Variants in KIAA1958 observed in about 807,000 individuals in gnomAD.
KIAA1958 encodes KIAA1958.
A neutral mutation model predicts 47.2 loss-of-function variants in KIAA1958; 14 were observed. That is an observed-to-expected ratio of 0.30 (90% CI 0.20 to 0.46). KIAA1958 has a LOEUF of 0.46. Among genes scored for constraint, KIAA1958 ranks in the 20% least tolerant of loss-of-function variants. The probability of loss-of-function intolerance (pLI) is 1.00; values close to 1 mark genes in which losing one functional copy is unlikely to be tolerated. For missense variants in KIAA1958, 803 were observed against 909.2 expected, an observed-to-expected ratio of 0.88 and a Z score of 1.50; for synonymous variants, 354 against 353.3, an observed-to-expected ratio of 1.00 and a Z score of -0.02.
At chr9:112,554,408 G>T (rs577274654) in intron 1 of KIAA1958, among the ~76,000 whole-genome samples, 1 of 152,196 alleles carries the variant, frequency 6.6e-6, no homozygotes, top group South Asian at 2.1e-4. Flanking sequence ...TGAGGCAGGA[G>T]AATCGCTTGA....
intron 1 of KIAA1958, among the ~76,000 whole-genome samples, chr9:112,560,048 A>C (rs1056490494): frequency 1.3e-5 from 2 of 152,020 alleles, no homozygotes; most frequent in South Asian, 4.2e-4. Flanking sequence ...GGTATTTATA[A>C]GTATTTTAGG....
chr9:112,501,689 A>G (rs1834143297), intron 1 of KIAA1958, among the ~76,000 whole-genome samples: 1 of 152,214 alleles, frequency 6.6e-6, no homozygotes, highest in African/African-American at 2.4e-5. Flanking sequence ...ATGAGGTCAC[A>G]CAGCAGACTG....
At chr9:112,629,443 T>A (rs772099691) in intron 2 of KIAA1958, among the ~76,000 whole-genome samples, 5 of 152,218 alleles carry the variant, frequency 3.3e-5, no homozygotes, top group Non-Finnish European at 7.3e-5. Flanking sequence ...AGTTATAGTT[T>A]GTGAAAGAGG....
chr9:112,577,461 T>C (rs1588025756), intron 2 of KIAA1958, among the ~76,000 whole-genome samples: 1 of 152,128 alleles, frequency 6.6e-6, no homozygotes, highest in East Asian at 1.9e-4. Flanking sequence ...AGGATATAAG[T>C]AGCACCTTTT....
At position 112,603,629 on chromosome 9, in the gene KIAA1958, A is replaced by G. The variant is rs138567817; in HGVS notation, c.1171+28378A>G. ...GCCTAGAGCCCACACCATAAACTCA[A>G]TGCATAATTGCACAGTGCCATGTGT... On this transcript the variant is annotated intron_variant, in intron 2 of 3. Coordinates refer to ENST00000337530, the MANE Select transcript of KIAA1958 (RefSeq NM_133465.4). Among the ~76,000 whole-genome samples the G allele has an allele frequency of 3.4e-4, 52 of 152,270 alleles. No homozygotes were observed. The East Asian group carries it at 8.7e-3, about 25-fold the overall frequency.
intron 1 of KIAA1958, among the ~76,000 whole-genome samples, chr9:112,495,969 AC>A (rs1433763500): frequency 2.6e-5 from 4 of 152,144 alleles, no homozygotes; most frequent in Non-Finnish European, 4.4e-5. Context: ...CCAGCCAATG[AC>A]CAGTACTTAC....
chr9:112,625,216 C>T (rs1319866235), intron 2 of KIAA1958, among the ~76,000 whole-genome samples: 6 of 152,220 alleles, frequency 3.9e-5, no homozygotes, highest in South Asian at 4.1e-4. Flanking sequence ...TCAAGACTCA[C>T]TGCAGTGGCA....
intron 2 of KIAA1958, among the ~76,000 whole-genome samples, chr9:112,595,086 A>T (rs892697545): frequency 6.6e-6 from 1 of 152,190 alleles, no homozygotes; most frequent in Non-Finnish European, 1.5e-5. Context: ...TAATATTTTC[A>T]CTTTACCTGT....
chr9:112,610,484 A>G lies in KIAA1958; in HGVS notation c.1172-35166A>G, dbSNP rs539661894. Among the ~76,000 whole-genome samples the G allele has an allele frequency of 2.0e-5, 3 of 152,284 alleles. No homozygotes were observed. In the East Asian group the frequency reaches 5.8e-4, roughly 29 times the overall value. ...GAGAGATTAAGAAGAGGAAGCATAGATATAGAAGACAATAAATGAAAATGA... is the reference window on the plus strand; with the variant it reads ...GAGAGATTAAGAAGAGGAAGCATAGGTATAGAAGACAATAAATGAAAATGA... On this transcript the variant is annotated intron_variant, in intron 2 of 3. Transcript: ENST00000337530.
chr9:112,500,490 A>G (rs191845166), intron 1 of KIAA1958, among the ~76,000 whole-genome samples: 5 of 149,000 alleles, frequency 3.4e-5, no homozygotes, highest in Non-Finnish European at 7.4e-5. Flanking sequence ...AGGTGTCACT[A>G]TGTTGCCCAG....
intron 2 of KIAA1958, among the ~76,000 whole-genome samples, chr9:112,605,785 C>T (rs569493431): frequency 6.6e-6 from 1 of 152,300 alleles, no homozygotes; most frequent in African/African-American, 2.4e-5. Flanking sequence ...CCTCCTTCTG[C>T]TCTTTGCGTG....
intron 1 of KIAA1958, among the ~76,000 whole-genome samples, chr9:112,544,799 A>G (rs996637038): frequency 1.3e-5 from 2 of 152,214 alleles, no homozygotes; most frequent in Non-Finnish European, 2.9e-5. Context: ...ATGTGCTGCC[A>G]TTATTTTTGC....
intron 3 of KIAA1958, among the ~76,000 whole-genome samples, chr9:112,655,798 T>G (rs1330767527): frequency 6.6e-6 from 1 of 152,226 alleles, no homozygotes; most frequent in African/African-American, 2.4e-5. Flanking sequence ...CATGGTGGCC[T>G]CATCTCAGTA....
chr9:112,548,041 C>T (rs1441258526), intron 1 of KIAA1958, among the ~76,000 whole-genome samples: 1 of 145,698 alleles, frequency 6.9e-6, no homozygotes, highest in South Asian at 2.2e-4. Context: ...CAAGGTCTTG[C>T]CCTTTCTCCC....
At position 112,618,160 on chromosome 9, in the gene KIAA1958, G is replaced by A; in HGVS notation, c.1172-27490G>A. The A allele has an allele frequency of 1.3e-6, 2 of 1,550,568 alleles. No individual in the cohort carries two copies. The highest frequency in any genetic ancestry group is 1.7e-4 in the Middle Eastern group (1 of 5,992). ...ACAGGTATGGCTATAGCATCACCAGGGATAAGGAATTCAAGCGTTCCCAAG... is the reference window on the plus strand; with the variant it reads ...ACAGGTATGGCTATAGCATCACCAGAGATAAGGAATTCAAGCGTTCCCAAG... On this transcript the variant is annotated intron_variant, in intron 2 of 3. Transcript: ENST00000337530. The surrounding 1 kb of genome is among the most constrained non-coding windows in gnomAD (Gnocchi z 7.1).
intron 1 of KIAA1958, among the ~76,000 whole-genome samples, chr9:112,561,911 G>T (rs1458144249): frequency 6.6e-6 from 1 of 152,208 alleles, no homozygotes; most frequent in African/African-American, 2.4e-5. Context: ...ATGGTTCAGA[G>T]AGCTGCAGAA....
chr9:112,613,968 T>C (rs1026212706), intron 2 of KIAA1958, among the ~76,000 whole-genome samples: 1 of 152,182 alleles, frequency 6.6e-6, no homozygotes. Context: ...TAGAATGTTA[T>C]GGCAGTTTTA....
intron 2 of KIAA1958, among the ~76,000 whole-genome samples, chr9:112,609,923 A>G (rs1407371644): frequency 2.0e-5 from 3 of 152,176 alleles, no homozygotes; most frequent in Non-Finnish European, 4.4e-5. Flanking sequence ...CATCTTGTAT[A>G]ATACCCTATT....
intron 3 of KIAA1958, among the ~76,000 whole-genome samples, chr9:112,646,862 G>T (rs1265820400): frequency 2.6e-5 from 4 of 152,232 alleles, no homozygotes; most frequent in African/African-American, 9.6e-5. Context: ...ACTGTATTTT[G>T]ATTTGACTGC....
Sources: gnomAD v4.1 joint callset for allele counts (sites outside exome capture counted in the v4.1 genomes callset) on GRCh38, gnomAD v4.1.1 for gene constraint, Gnocchi (gnomAD v3.1) non-coding constraint, MANE v1.5 for transcripts, NCBI Gene and HGNC (gene_info 2026-07-23, HGNC 2026-07-21) for gene names.